Variants in SENP2 observed in about 807,000 individuals in gnomAD.
SENP2 encodes SUMO specific peptidase 2, also known as sentrin-specific protease 2.
In SENP2, 16 loss-of-function variants were observed where a neutral mutation model predicts 86.3. That is an observed-to-expected ratio of 0.19 (90% CI 0.13 to 0.28). The LOEUF is 0.28. SENP2 is among the 10% of genes least tolerant of loss of function. The pLI is 1.00. For missense variants in SENP2, 552 were observed against 703.0 expected (o/e 0.79, Z 2.43); for synonymous variants, 222 against 238.7 (o/e 0.93, Z 0.64).
intron 9 of SENP2, among the ~76,000 whole-genome samples, chr3:185,612,957 G>C (rs894133436): frequency 6.6e-6 from 1 of 152,254 alleles, no homozygotes; most frequent in Non-Finnish European, 1.5e-5. Flanking sequence ...GATAGGAACA[G>C]TAAAGGCAGC....
intron 16 of SENP2, 105 bp downstream of exon 16, chr3:185,626,498 C>T (rs1328616784): frequency 2.1e-5 from 15 of 729,606 alleles, no homozygotes; most frequent in African/African-American, 7.1e-5. Context: ...GCTGGCCAGG[C>T]GTGGTGGCTC....
intron 16 of SENP2, among the ~76,000 whole-genome samples, chr3:185,626,877 A>C (rs1712169862): frequency 6.6e-6 from 1 of 151,896 alleles, no homozygotes; most frequent in Non-Finnish European, 1.5e-5. Context: ...GGAGTTCGAG[A>C]CCAGCCTGAC....
At position 185,619,453 on chromosome 3, in the gene SENP2, A is replaced by G; in HGVS notation, c.1397A>G (p.Gln466Arg). The G allele has an allele frequency of 1.2e-6, 2 of 1,614,170 alleles. No homozygotes were observed. Among genetic ancestry groups the G allele is most frequent in the South Asian group, 1.1e-5 (1 of 91,086 alleles). Reference protein sequence around the residue: ...RWTKGVNLFEQEIILVPIHRK... With the variant: ...RWTKGVNLFEREIILVPIHRK... The stretch of plus-strand genomic sequence containing the variant: ...ACCAAAGGGGTAAATCTCTTTGAAC[A>G]AGAAATTATTCTGGTGCCTATTCAT... The change falls in exon 13 of 17, where the codon CAA becomes CGA. Residue 466 changes from glutamine to arginine, a missense_variant. By Grantham distance (43) the Gln-to-Arg change is conservative. This residue lies in a region of SENP2 where 169 missense variants were observed against 275.7 expected (regional missense o/e 0.61). Coordinates refer to ENST00000296257, the MANE Select transcript of SENP2 (RefSeq NM_021627.3).
intron 11 of SENP2, among the ~76,000 whole-genome samples, chr3:185,615,041 T>C (rs1469957680): frequency 6.6e-6 from 1 of 152,196 alleles, no homozygotes; most frequent in Non-Finnish European, 1.5e-5. Flanking sequence ...AGTTATATAG[T>C]ATGGGTTTGG....
chr3:185,628,429 G>A (rs188954070), intron 16 of SENP2, among the ~76,000 whole-genome samples: 87 of 152,022 alleles, frequency 5.7e-4, no homozygotes, highest in African/African-American at 2.0e-3. Context: ...GTGCCACCAC[G>A]CCCGGTGACA....
chr3:185,622,002 T>TAA (rs1711912005), intron 14 of SENP2, 97 bp downstream of exon 14: 2 of 706,622 alleles, frequency 2.8e-6, no homozygotes, highest in South Asian at 3.8e-5. Context: ...AATGTGTAGT[T>TAA]AAGGCTATTT....
intron 2 of SENP2, among the ~76,000 whole-genome samples, chr3:185,596,656 C>T (rs1398711576): frequency 6.6e-6 from 1 of 151,230 alleles, no homozygotes; most frequent in Non-Finnish European, 1.5e-5. Flanking sequence ...TTATACTTTA[C>T]TTAGCCAAGC....
chr3:185,587,752 T>TTTTTTTTTTTTA (rs1721840463), intron 1 of SENP2, among the ~76,000 whole-genome samples: 3 of 141,230 alleles, frequency 2.1e-5, no homozygotes, highest in Admixed American at 7.2e-5. Context: ...TTTTTTTTTT[T>TTTTTTTTTTTTA]GAGACAGAGT....
At chr3:185,590,092 T>TA (rs761739447) in intron 1 of SENP2, 22 bp from the exon 2 acceptor site, 5 of 1,391,704 alleles carry the variant, frequency 3.6e-6, no homozygotes, top group Non-Finnish European at 4.9e-6. Context: ...TATATATATA[T>TA]TTTTTTCTTT....
intron 13 of SENP2, among the ~76,000 whole-genome samples, chr3:185,621,386 CTT>C (rs1220771289): frequency 0.097 from 7,623 of 78,388 alleles, 294 homozygotes; most frequent in South Asian, 0.37. Flanking sequence ...TCTTTTTTTT[CTT>C]TTTTTTTTTT....
chr3:185,608,843 T>C (rs1243569986), intron 6 of SENP2, among the ~76,000 whole-genome samples: 3 of 152,182 alleles, frequency 2.0e-5, no homozygotes, highest in South Asian at 4.1e-4. Flanking sequence ...AATGTAGCCA[T>C]AGAGGTTACT....
chr3:185,601,549 ACTTTC>A (rs1478188207), intron 5 of SENP2, among the ~76,000 whole-genome samples: 2 of 151,346 alleles, frequency 1.3e-5, no homozygotes, highest in Non-Finnish European at 2.9e-5. Context: ...TAGTTTTCTT[ACTTTC>A]CTTTGTAGAA....
chr3:185,599,491 T>C, intron 4 of SENP2, among the ~76,000 whole-genome samples: 1 of 152,226 alleles, frequency 6.6e-6, no homozygotes, highest in African/African-American at 2.4e-5. Context: ...TTGTCATTAT[T>C]ATATATATGC....
At chr3:185,625,544 A>G (rs990896011) in intron 15 of SENP2, among the ~76,000 whole-genome samples, 3 of 152,134 alleles carry the variant, frequency 2.0e-5, no homozygotes, top group Non-Finnish European at 4.4e-5. Flanking sequence ...GGGACTGCCA[A>G]GATTAGGGCA....
At chr3:185,599,167 T>C in intron 4 of SENP2, 143 bp downstream of exon 4, 1 of 612,972 alleles carries the variant, frequency 1.6e-6, no homozygotes. Flanking sequence ...AGCAAATAGC[T>C]TTTCTTCAGA....
At chr3:185,628,014 A>C (rs1255742358) in intron 16 of SENP2, among the ~76,000 whole-genome samples, 1 of 152,246 alleles carries the variant, frequency 6.6e-6, no homozygotes, top group Non-Finnish European at 1.5e-5. Flanking sequence ...TAGTCTCAGC[A>C]GTTTTACTAA....
At chr3:185,600,540 A>G (rs529341486) in intron 4 of SENP2, among the ~76,000 whole-genome samples, 4 of 152,290 alleles carry the variant, frequency 2.6e-5, no homozygotes, top group Admixed American at 1.3e-4. Context: ...CTGCCAGTGA[A>G]TTCTGTTATT....
intron 1 of SENP2, among the ~76,000 whole-genome samples, chr3:185,588,120 C>T (rs1239122568): frequency 7.3e-6 from 1 of 136,610 alleles, no homozygotes; most frequent in Non-Finnish European, 1.5e-5. Context: ...TGCAATGGCG[C>T]GATCTCGGCT....
At chr3:185,599,835 G>A (rs1428043205) in intron 4 of SENP2, among the ~76,000 whole-genome samples, 6 of 143,392 alleles carry the variant, frequency 4.2e-5, no homozygotes, top group Non-Finnish European at 7.5e-5. Context: ...TTGAGATGGA[G>A]TTTCGCCCTT....
Sources: gnomAD v4.1 joint callset for allele counts (sites outside exome capture counted in the v4.1 genomes callset) on GRCh38, gnomAD v4.1.1 for gene constraint, gnomAD v4.1.1 regional missense constraint, MANE v1.5 for transcripts, NCBI Gene and HGNC (gene_info 2026-07-23, HGNC 2026-07-21) for gene names.